The following THRB variants were observed in gnomAD, a reference collection of about 807,000 sequenced individuals.
THRB encodes the protein nuclear receptor subfamily 1 group A member 2.
A neutral mutation model predicts 47.8 loss-of-function variants in THRB; 12 were observed. The observed-to-expected ratio is 0.25, with a 90% CI of 0.16 to 0.41. THRB has a LOEUF of 0.41. THRB is among the 10% of genes least tolerant of loss of function. The probability of loss-of-function intolerance (pLI) is 1.00; values close to 1 mark genes in which losing one functional copy is unlikely to be tolerated. For synonymous variants in THRB, 218 were observed against 212.2 expected, an observed-to-expected ratio of 1.03 and a Z score of -0.24; for missense variants, 348 against 589.2, an observed-to-expected ratio of 0.59 and a Z score of 4.24.
At chr3:24,165,873 T>C (rs1315122473) in intron 5 of THRB, among the ~76,000 whole-genome samples, 1 of 152,216 alleles carries the variant, frequency 6.6e-6, no homozygotes. Flanking sequence ...GAGAATATCC[T>C]TGGATACAAA....
intron 1 of THRB, among the ~76,000 whole-genome samples, chr3:24,452,620 A>T (rs1459717961): frequency 6.6e-6 from 1 of 152,054 alleles, no homozygotes; most frequent in Non-Finnish European, 1.5e-5. Flanking sequence ...CCTCCAACCC[A>T]GGAACCGGCG....
intron 2 of THRB, among the ~76,000 whole-genome samples, chr3:24,298,883 A>C (rs2056669327): frequency 1.3e-5 from 2 of 152,226 alleles, no homozygotes; most frequent in African/African-American, 2.4e-5. Context: ...TCATTCCAAA[A>C]TACTTTATGA....
At chr3:24,195,161 C>A (rs913648517) in intron 4 of THRB, among the ~76,000 whole-genome samples, 9 of 152,138 alleles carry the variant, frequency 5.9e-5, no homozygotes, top group African/African-American at 1.4e-4. Context: ...TACGCCTCAA[C>A]TGATTTTTTT....
At chr3:24,418,858 T>A (rs534912469) in intron 1 of THRB, among the ~76,000 whole-genome samples, 1 of 152,068 alleles carries the variant, frequency 6.6e-6, no homozygotes, top group Non-Finnish European at 1.5e-5. Context: ...TCCTCATAGG[T>A]ACAACAAATT....
intron 2 of THRB, among the ~76,000 whole-genome samples, chr3:24,329,289 T>C (rs547345902): frequency 2.2e-4 from 34 of 152,210 alleles, no homozygotes; most frequent in Non-Finnish European, 4.4e-4. Context: ...TTCTTACAAA[T>C]TACATTTCAT....
intron 3 of THRB, among the ~76,000 whole-genome samples, chr3:24,262,107 T>C (rs941983676): frequency 6.6e-6 from 1 of 152,222 alleles, no homozygotes; most frequent in Admixed American, 6.5e-5. Flanking sequence ...ATAAACTTGA[T>C]ATGTCCAAAC....
intron 7 of THRB, chr3:24,144,003 A>T (rs1485539775): frequency 2.2e-6 from 1 of 450,416 alleles, no homozygotes; most frequent in Non-Finnish European, 4.1e-6. Context: ...TCTAAAACAG[A>T]GTGAAGCAGA....
chr3:24,445,489 C>T (rs952107438), intron 1 of THRB, among the ~76,000 whole-genome samples: 1 of 151,956 alleles, frequency 6.6e-6, no homozygotes, highest in African/African-American at 2.4e-5. Flanking sequence ...ACATAACACG[C>T]AAAGGTAGTT....
At chr3:24,421,441 A>G (rs2069253118) in intron 1 of THRB, among the ~76,000 whole-genome samples, 1 of 151,692 alleles carries the variant, frequency 6.6e-6, no homozygotes, top group South Asian at 2.1e-4. Context: ...AGGTGAAAAG[A>G]GATTAAAGCA....
chr3:24,390,864 C>T (rs974495375), intron 1 of THRB, among the ~76,000 whole-genome samples: 5 of 151,304 alleles, frequency 3.3e-5, no homozygotes, highest in African/African-American at 1.2e-4. Flanking sequence ...AGAATATTGG[C>T]CCCAATTCTC....
chr3:24,429,443 T>G (rs545115727), intron 1 of THRB, among the ~76,000 whole-genome samples: 83 of 152,102 alleles, frequency 5.5e-4, no homozygotes, highest in Non-Finnish European at 8.7e-4. Context: ...ATGGCATGAA[T>G]GACAAAGAAT....
At position 24,356,937 on chromosome 3, in the gene THRB, G is replaced by A. The variant is rs114589598; in HGVS notation, c.-260-19566C>T. Among the ~76,000 whole-genome samples, 1,028 of 151,796 alleles carry A rather than the reference G, an allele frequency of 6.8e-3. 17 individuals carry two copies. The highest frequency in any genetic ancestry group is 0.034 in the Middle Eastern group (10 of 292). On this transcript the variant is annotated intron_variant, in intron 1 of 10. Transcript: ENST00000646209. ...GCCAGTCATGAGAACTTTCTTCAGG[G>A]GAGATGGGTTATAGGAAGGTAAAGA...
intron 1 of THRB, among the ~76,000 whole-genome samples, chr3:24,478,732 T>A (rs1195654558): frequency 1.3e-5 from 2 of 152,024 alleles, no homozygotes; most frequent in African/African-American, 4.8e-5. Context: ...AATGTTCCAA[T>A]TTTCCGGATT....
intron 1 of THRB, among the ~76,000 whole-genome samples, chr3:24,477,671 C>T (rs1315024851): frequency 6.6e-6 from 1 of 151,968 alleles, no homozygotes; most frequent in Non-Finnish European, 1.5e-5. Flanking sequence ...GTAGCTAACG[C>T]TGCCAAAGCA....
At chr3:24,151,353 G>T (rs112117435) in intron 6 of THRB, among the ~76,000 whole-genome samples, 2 of 152,168 alleles carry the variant, frequency 1.3e-5, no homozygotes, top group African/African-American at 4.8e-5. Flanking sequence ...ACGAGCAAGG[G>T]TATGAACAAA....
At chr3:24,142,309 T>G (rs1009912931) in intron 8 of THRB, among the ~76,000 whole-genome samples, 28 of 152,216 alleles carry the variant, frequency 1.8e-4, no homozygotes, top group African/African-American at 6.8e-4. Flanking sequence ...GTAAAGGCCA[T>G]CTAGGTATTT....
intron 1 of THRB, among the ~76,000 whole-genome samples, chr3:24,450,062 G>A (rs2072493594): frequency 6.6e-6 from 1 of 151,382 alleles, no homozygotes; most frequent in South Asian, 2.1e-4. Flanking sequence ...AGGGAAGAAG[G>A]GAGAGAGAAG....
At chr3:24,193,598 T>C (rs900429066) in intron 4 of THRB, among the ~76,000 whole-genome samples, 2 of 152,210 alleles carry the variant, frequency 1.3e-5, no homozygotes, top group Non-Finnish European at 2.9e-5. Flanking sequence ...GTTAATTAGA[T>C]ATTATCTTGT....
At chr3:24,263,560 T>G (rs145293192) in intron 3 of THRB, among the ~76,000 whole-genome samples, 1 of 151,770 alleles carries the variant, frequency 6.6e-6, no homozygotes, top group African/African-American at 2.4e-5. Context: ...GAGATTATAC[T>G]GGAAATGACT....
Sources: gnomAD v4.1 joint callset for allele counts (sites outside exome capture counted in the v4.1 genomes callset) on GRCh38, gnomAD v4.1.1 for gene constraint, MANE v1.5 for transcripts, NCBI Gene and HGNC (gene_info 2026-07-23, HGNC 2026-07-21) for gene names.